Variants in AP3B1 observed in about 807,000 individuals in gnomAD.
AP3B1 encodes the protein adaptor related protein complex 3 subunit beta 1.
AP3B1 carries 61 observed loss-of-function variants against 132.5 expected under a neutral mutation model. The observed-to-expected ratio is 0.46, with a 90% confidence interval of 0.37 to 0.57. AP3B1 has a LOEUF of 0.57. Among genes scored for constraint, AP3B1 ranks in the 20% least tolerant of loss-of-function variants. The pLI is 0.00. For synonymous variants in AP3B1, 388 were observed against 438.3 expected, an observed-to-expected ratio of 0.89 and a Z score of 1.43; for missense variants, 1,120 against 1,289.4, an observed-to-expected ratio of 0.87 and a Z score of 2.01.
At chr5:78,120,194 C>T (rs1418184664) in intron 17 of AP3B1, among the ~76,000 whole-genome samples, 2 of 152,062 alleles carry the variant, frequency 1.3e-5, no homozygotes, top group African/African-American at 2.4e-5. Flanking sequence ...AAAGGAAGCA[C>T]TAAATATGGA....
At chr5:78,002,274 C>T (rs1306520038), downstream of AP3B1, 1 of 216,282 alleles carries the variant, frequency 4.6e-6, no homozygotes, top group African/African-American at 2.3e-5. Context: ...AAAACTTTAG[C>T]ATATGAACTT....
chr5:78,131,441 A>G (rs1057463867), intron 15 of AP3B1, among the ~76,000 whole-genome samples: 1 of 152,072 alleles, frequency 6.6e-6, no homozygotes, highest in African/African-American at 2.4e-5. Context: ...TGAATGAAGA[A>G]TAGTACCAAT....
chr5:78,012,606 G>T (rs1385072378), intron 26 of AP3B1, among the ~76,000 whole-genome samples: 1 of 152,190 alleles, frequency 6.6e-6, no homozygotes, highest in Non-Finnish European at 1.5e-5. Flanking sequence ...AGACAGCACA[G>T]GCTATTCTTA....
chr5:78,109,666 A>G (rs1400811046), intron 20 of AP3B1, among the ~76,000 whole-genome samples: 1 of 152,108 alleles, frequency 6.6e-6, no homozygotes, highest in Non-Finnish European at 1.5e-5. Flanking sequence ...TATTTTTGCA[A>G]TTTATACTTT....
intron 7 of AP3B1, among the ~76,000 whole-genome samples, chr5:78,214,848 T>C (rs1172711833): frequency 6.6e-6 from 1 of 152,198 alleles, no homozygotes; most frequent in Non-Finnish European, 1.5e-5. Flanking sequence ...AAGAGCATTA[T>C]GTAACATAAG....
rs577734349 is a variant in AP3B1, at chr5:78,047,946, C to T, written c.2578-8672G>A. On this transcript the variant is annotated intron_variant, in intron 22 of 26. Transcript: ENST00000255194. ...AAAATAATTTAACAATTCCCAGAGC[C>T]GCTTATTTCAAACAGCTAACACTTA... Among the ~76,000 whole-genome samples, 101 of 152,236 alleles carry T rather than the reference C, an allele frequency of 6.6e-4. 1 individual carries two copies. Among genetic ancestry groups the T allele is most frequent in the African/African-American group, 2.3e-3 (97 of 41,530 alleles).
chr5:78,054,839 T>C (rs1228934250), intron 22 of AP3B1, among the ~76,000 whole-genome samples: 1 of 152,086 alleles, frequency 6.6e-6, no homozygotes, highest in African/African-American at 2.4e-5. Flanking sequence ...AATTTTATTA[T>C]GGGTATAGTG....
At chr5:78,248,617 T>C (rs1320621750) in intron 2 of AP3B1, among the ~76,000 whole-genome samples, 2 of 151,802 alleles carry the variant, frequency 1.3e-5, no homozygotes, top group African/African-American at 2.4e-5. Context: ...ACCTCTCAGA[T>C]AGTGGGATAA....
intron 7 of AP3B1, among the ~76,000 whole-genome samples, chr5:78,194,086 G>C (rs1476754537): frequency 6.6e-6 from 1 of 151,928 alleles, no homozygotes; most frequent in Admixed American, 6.6e-5. Flanking sequence ...TTCTTAACTA[G>C]ACATTGATAT....
At chr5:78,008,629 T>A (rs1037332842) in intron 26 of AP3B1, among the ~76,000 whole-genome samples, 6 of 152,172 alleles carry the variant, frequency 3.9e-5, no homozygotes, top group African/African-American at 1.4e-4. Flanking sequence ...TTCAGTCCTG[T>A]TTGAGACTCA....
intron 22 of AP3B1, among the ~76,000 whole-genome samples, chr5:78,074,135 TA>T (rs1241537530): frequency 6.6e-6 from 1 of 152,088 alleles, no homozygotes; most frequent in South Asian, 2.1e-4. Context: ...TATTTTGCAA[TA>T]AAAAAATTCC....
rs772185047 is a variant in AP3B1, at chr5:78,128,063, G to A, written c.1935C>T (p.Asp645=). 65 of 1,613,180 alleles carry A rather than the reference G, an allele frequency of 4.0e-5. No homozygotes were observed. Among genetic ancestry groups the A allele is most frequent in the Non-Finnish European group, 5.3e-5 (62 of 1,179,384 alleles). Reference sequence around the variant, plus strand: ...TTACTTCTACATTTCGAACTGATGGGTCGGGCGCCACCTCTGGCCAATTAG... The same window carrying A: ...TTACTTCTACATTTCGAACTGATGGATCGGGCGCCACCTCTGGCCAATTAG... ...ELSNWPEVAP[D]PSVRNVEVIE... is the part of the protein sequence containing the mutation. The change falls in exon 17 of 27, where the codon GAC becomes GAT. Residue 645 remains aspartate, a synonymous_variant. Coordinates refer to ENST00000255194, the MANE Select transcript of AP3B1 (RefSeq NM_003664.5).
At chr5:78,087,233 T>A (rs566589931) in intron 22 of AP3B1, among the ~76,000 whole-genome samples, 1 of 152,336 alleles carries the variant, frequency 6.6e-6, no homozygotes, top group East Asian at 1.9e-4. Flanking sequence ...CTAGACTTGT[T>A]GAGATCTCAC....
intron 7 of AP3B1, among the ~76,000 whole-genome samples, chr5:78,202,198 T>C (rs1745318122): frequency 6.6e-6 from 1 of 152,246 alleles, no homozygotes; most frequent in African/African-American, 2.4e-5. Context: ...TCCACCATGA[T>C]TGTAAGGCCT....
Position 78,202,552 on chromosome 5 carries a change from AGTGT to A in AP3B1, c.786+13499_786+13502del, listed in dbSNP as rs36209977. ...TACACTAAACATATGCCATATATTCAGTGTGTGTGTGTGTGTGTGTGTGTGTGTG... is the reference window on the plus strand; with the variant it reads ...TACACTAAACATATGCCATATATTCAGTGTGTGTGTGTGTGTGTGTGTGTG... On this transcript the variant is annotated intron_variant, in intron 7 of 26. Coordinates refer to ENST00000255194, the MANE Select transcript of AP3B1 (RefSeq NM_003664.5). 6.6e-4 allele frequency among the ~76,000 whole-genome samples: 96 copies of A among 146,144 alleles called. No individual in the cohort carries two copies. In the Middle Eastern group the frequency reaches 0.01, roughly 16 times the overall value.
intron 7 of AP3B1, among the ~76,000 whole-genome samples, chr5:78,198,180 G>GGTGCTA: frequency 6.6e-6 from 1 of 152,218 alleles, no homozygotes; most frequent in African/African-American, 2.4e-5. Context: ...CAGCCTGAAG[G>GGTGCTA]GTGCTAGTGC....
chr5:78,022,230 TG>T (rs1005318158), intron 24 of AP3B1, among the ~76,000 whole-genome samples: 10 of 152,182 alleles, frequency 6.6e-5, no homozygotes, highest in African/African-American at 2.4e-4. Context: ...TGTGAATATC[TG>T]GGGATTTAAA....
chr5:78,132,192 G>A lies in AP3B1; in HGVS notation c.1651-2885C>T, dbSNP rs562005140. Among the ~76,000 whole-genome samples the A allele has an allele frequency of 3.3e-5, 5 of 152,210 alleles. No individual in the cohort carries two copies. In the South Asian group the frequency reaches 8.3e-4, roughly 25 times the overall value. ...AACTGGCTGAATAAGCAGTTTGTTCGCATGCACAACAACCAATTCCTAAAA... is the reference window on the plus strand; with the variant it reads ...AACTGGCTGAATAAGCAGTTTGTTCACATGCACAACAACCAATTCCTAAAA... On this transcript the variant is annotated intron_variant, in intron 15 of 26. Coordinates refer to ENST00000255194, the MANE Select transcript of AP3B1 (RefSeq NM_003664.5).
At chr5:78,215,626 A>G (rs751100270) in intron 7 of AP3B1, among the ~76,000 whole-genome samples, 68 of 152,224 alleles carry the variant, frequency 4.5e-4, no homozygotes, top group Non-Finnish European at 8.7e-4. Flanking sequence ...GAGGCAAGAA[A>G]TTAATTACTT....
Sources: gnomAD v4.1 joint callset for allele counts (sites outside exome capture counted in the v4.1 genomes callset) on GRCh38, gnomAD v4.1.1 for gene constraint, MANE v1.5 for transcripts, NCBI Gene and HGNC (gene_info 2026-07-23, HGNC 2026-07-21) for gene names.